UTRN: variants seen among roughly 807,000 people sequenced by gnomAD.
UTRN encodes the protein dystrophin-related protein 1.
Under a neutral mutation model 463.9 loss-of-function variants are expected in UTRN, and 283 were observed. The ratio of observed to expected loss-of-function variants is 0.61; its 90% confidence interval spans 0.55 to 0.67. The LOEUF is 0.67. Among genes scored for constraint, UTRN ranks in the 30% least tolerant of loss-of-function variants. UTRN has a pLI of 0.00. For missense variants in UTRN, 3,922 were observed against 4,084.3 expected (o/e 0.96, Z 1.08); for synonymous variants, 1,442 against 1,431.5 (o/e 1.01, Z -0.17).
At chr6:144,848,023 A>T (rs1312104262) in intron 74 of UTRN, among the ~76,000 whole-genome samples, 1 of 152,138 alleles carries the variant, frequency 6.6e-6, no homozygotes, top group Non-Finnish European at 1.5e-5. Flanking sequence ...AGAGGCTGGG[A>T]TCTTAACTAA....
At chr6:144,700,708 C>T (rs1238331953) in intron 53 of UTRN, among the ~76,000 whole-genome samples, 1 of 151,572 alleles carries the variant, frequency 6.6e-6, no homozygotes, top group Admixed American at 6.6e-5. Flanking sequence ...GCTGGGACTA[C>T]AGGTGCCTGC....
At chr6:144,824,598 ATATATATATATAT>A (rs1779955812) in intron 66 of UTRN, among the ~76,000 whole-genome samples, 2 of 47,678 alleles carry the variant, frequency 4.2e-5, no homozygotes, top group African/African-American at 1.2e-4. Flanking sequence ...ATATATATAT[ATATATATATATAT>A]ATCTTTTTTT....
At chr6:144,583,479 A>C in intron 51 of UTRN, 1 of 713,554 alleles carries the variant, frequency 1.4e-6, no homozygotes, top group Non-Finnish European at 2.6e-6. Flanking sequence ...AGGTGTCTCC[A>C]GAAGTGTGGT....
intron 51 of UTRN, among the ~76,000 whole-genome samples, chr6:144,613,114 A>G (rs1258800776): frequency 6.6e-6 from 1 of 152,126 alleles, no homozygotes; most frequent in South Asian, 2.1e-4. Context: ...GTAAAGAATG[A>G]TAAATACTGC....
intron 51 of UTRN, among the ~76,000 whole-genome samples, chr6:144,602,298 A>AT (rs1207383418): frequency 1.1e-3 from 152 of 144,138 alleles, no homozygotes; most frequent in Middle Eastern, 3.5e-3. Context: ...GTCCCGGCTG[A>AT]TTTTTTTTTT....
intron 51 of UTRN, among the ~76,000 whole-genome samples, chr6:144,592,559 C>T (rs1270458577): frequency 3.3e-5 from 5 of 151,984 alleles, no homozygotes; most frequent in South Asian, 2.1e-4. Context: ...TTAGTAGAGA[C>T]GGAGTTTCAC....
intron 51 of UTRN, among the ~76,000 whole-genome samples, chr6:144,602,396 C>T (rs1321360502): frequency 6.6e-6 from 1 of 151,968 alleles, no homozygotes; most frequent in Non-Finnish European, 1.5e-5. Context: ...GCCTTGGCCT[C>T]CTAAAGTGCT....
intron 63 of UTRN, among the ~76,000 whole-genome samples, chr6:144,797,235 C>T (rs2128745114): frequency 6.7e-6 from 1 of 149,944 alleles, no homozygotes; most frequent in African/African-American, 2.5e-5. Context: ...GTTGCCCAGG[C>T]TGGAGTGCAG....
intron 52 of UTRN, among the ~76,000 whole-genome samples, chr6:144,687,006 G>A (rs1217619622): frequency 6.6e-6 from 1 of 152,078 alleles, no homozygotes; most frequent in African/African-American, 2.4e-5. Context: ...AGAAGGTTCT[G>A]TTCTGGGGCA....
At chr6:144,339,939 G>A (rs766969705) in intron 2 of UTRN, among the ~76,000 whole-genome samples, 2 of 152,328 alleles carry the variant, frequency 1.3e-5, no homozygotes, top group Non-Finnish European at 2.9e-5. Flanking sequence ...AGGCCAAGGT[G>A]GACAGATCGC....
At chr6:144,653,585 TAA>T (rs77314155) in intron 51 of UTRN, among the ~76,000 whole-genome samples, 35 of 134,990 alleles carry the variant, frequency 2.6e-4, no homozygotes, top group Non-Finnish European at 2.4e-4. Flanking sequence ...GACTCCATCT[TAA>T]AAAAAAAAAA....
intron 50 of UTRN, among the ~76,000 whole-genome samples, chr6:144,572,548 GC>G (rs550452534): frequency 1.3e-5 from 2 of 151,326 alleles, no homozygotes; most frequent in Admixed American, 1.3e-4. Context: ...CCCTTCCCTT[GC>G]CCCCCACCCC....
At chr6:144,753,536 T>C (rs765269717) in intron 56 of UTRN, among the ~76,000 whole-genome samples, 1 of 151,904 alleles carries the variant, frequency 6.6e-6, no homozygotes, top group Non-Finnish European at 1.5e-5. Context: ...GGAGGATCAC[T>C]TGAGGCTAGG....
intron 61 of UTRN, among the ~76,000 whole-genome samples, chr6:144,787,230 A>G (rs1229030321): frequency 6.6e-6 from 1 of 152,206 alleles, no homozygotes; most frequent in East Asian, 1.9e-4. Flanking sequence ...GAAAGGAAGC[A>G]AACATTGTCT....
chr6:144,622,174 TTTTTTTGTTG>T (rs1444878033), intron 51 of UTRN, among the ~76,000 whole-genome samples: 30 of 140,120 alleles, frequency 2.1e-4, no homozygotes, highest in African/African-American at 8.4e-4. Context: ...GGTATCCATT[TTTTTTTGTTG>T]TTTTTTTTTT....
chr6:144,290,849 C>T (rs1277052237), intron 1 of UTRN, among the ~76,000 whole-genome samples: 1 of 147,158 alleles, frequency 6.8e-6, no homozygotes, highest in East Asian at 2.0e-4. Context: ...ACTGCAACTT[C>T]CACCTCCCAG....
intron 60 of UTRN, 73 bp from the exon 61 acceptor site, chr6:144,781,849 C>G (rs949296157): frequency 8.7e-7 from 1 of 1,143,162 alleles, no homozygotes; most frequent in Non-Finnish European, 1.3e-6. Context: ...CTAGAAATGC[C>G]TTTGTTGTGA....
chr6:144,388,254 T>C (rs372007410), intron 2 of UTRN, among the ~76,000 whole-genome samples: 237 of 152,276 alleles, frequency 1.6e-3, no homozygotes, highest in African/African-American at 5.4e-3. Flanking sequence ...TAATACATTG[T>C]GAAAATCCTT....
intron 26 of UTRN, 79 bp from the exon 27 acceptor site, chr6:144,482,130 G>GAA: frequency 7.9e-7 from 1 of 1,271,958 alleles, no homozygotes; most frequent in Non-Finnish European, 1.0e-6. Flanking sequence ...TTTAATTCTT[G>GAA]AAAAAAAAAG....
Sources: gnomAD v4.1 joint callset for allele counts (sites outside exome capture counted in the v4.1 genomes callset) on GRCh38, gnomAD v4.1.1 for gene constraint, MANE v1.5 for transcripts, NCBI Gene and HGNC (gene_info 2026-07-23, HGNC 2026-07-21) for gene names.